MYBPC3: variants seen among roughly 807,000 people sequenced by gnomAD.
MYBPC3 encodes myosin-binding protein C, cardiac-type.
Under a neutral mutation model 159.3 loss-of-function variants are expected in MYBPC3, and 108 were observed. The ratio of observed to expected loss-of-function variants is 0.68; its 90% CI spans 0.58 to 0.80. MYBPC3 has a LOEUF of 0.80. MYBPC3 is among the 30% of genes least tolerant of loss of function. MYBPC3 has a pLI of 0.00. For synonymous variants in MYBPC3, 730 were observed against 702.0 expected (o/e 1.04, Z -0.63); for missense variants, 1,631 against 1,762.1 (o/e 0.93, Z 1.33).
intron 20 of MYBPC3, 118 bp downstream of exon 20, chr11:47,340,885 G>T: frequency 8.4e-7 from 1 of 1,186,134 alleles, no homozygotes; most frequent in Non-Finnish European, 1.1e-6. Context: ...AGCTGAAGCT[G>T]GGCCCCAGGA....
Position 47,352,624 on chromosome 11 carries a change from TGGCTTCTTCCCC to T in MYBPC3, c.12_23del (p.Gly5_Pro8del), listed in dbSNP as rs1350765301. 6.3e-7 allele frequency: 1 copy of T among 1,598,788 alleles called. No homozygotes were observed. Among genetic ancestry groups the T allele is most frequent in the South Asian group, 1.1e-5 (1 of 89,452 alleles). On this transcript the variant is annotated inframe_deletion and splice_region_variant, in exon 1 of 35. Transcript: ENST00000545968. ...ACCCAACCCCAGTCCTAAAGCTACC[TGGCTTCTTCCCC>T]GGCTCAGGCATCCTGAGAGACGTCA...
In MYBPC3 at chr11:47,333,966, G is replaced by T; in HGVS notation, c.2950C>A (p.Gln984Lys). The T allele has an allele frequency of 1.9e-6, 3 of 1,585,498 alleles. No individual in the cohort carries two copies. The highest frequency in any genetic ancestry group is 2.6e-6 in the Non-Finnish European group (3 of 1,166,210). Residue 984 changes from glutamine (Q) to lysine (K), a missense_variant, in exon 28 of 35, where the codon CAG becomes AAG. Coordinates refer to ENST00000545968, the MANE Select transcript of MYBPC3 (RefSeq NM_000256.3). ...QLPRHLRQTI[Q>K]KKVGEPVNLL... ...TTCACAGGCTCCCCGACCTTCTTCT[G>T]AATGGTCTGGCGCAGGTGCCTGGGC...
intron 29 of MYBPC3, 86 bp downstream of exon 29, chr11:47,333,471 T>C: frequency 6.4e-7 from 1 of 1,554,648 alleles, no homozygotes; most frequent in South Asian, 1.1e-5. Flanking sequence ...GAGCTGTGGG[T>C]TGGGTCCCCT....
At position 47,346,424 on chromosome 11, in the gene MYBPC3, GGGGCTTCCTGGGC is replaced by G; in HGVS notation, c.927-67_927-55del. On this transcript the variant is annotated intron_variant, in intron 11 of 34. Coordinates refer to ENST00000545968, the MANE Select transcript of MYBPC3 (RefSeq NM_000256.3). This position sits in a 1 kb window ranked among gnomAD's most constrained non-coding sequence, Gnocchi z 5.3. ...GGGGCAAGACTGCAGCCCCCTGGGC[GGGGCTTCCTGGGC>G]CCAGGACCAAGGAGCTGTAGCCACC... The G allele has an allele frequency of 6.7e-7, 1 of 1,493,386 alleles. No individual in the cohort carries two copies. Among genetic ancestry groups the G allele is most frequent in the Non-Finnish European group, 9.0e-7 (1 of 1,115,792 alleles). 92.5% of individuals were successfully genotyped at this position (1,493,386 alleles called of 1,614,324 possible).
chr11:47,343,996 C>A (rs939068014), intron 12 of MYBPC3, among the ~76,000 whole-genome samples: 2 of 152,112 alleles, frequency 1.3e-5, no homozygotes, highest in Admixed American at 6.6e-5. Context: ...ACCATGTTGG[C>A]CGGGCTGGTC....
At position 47,338,658 on chromosome 11, in the gene MYBPC3, G is replaced by C; in HGVS notation, c.2170C>G (p.Arg724Gly). ...DKKLLCETEG[R>G]VRVETTKDRS... ...TCCTTGGTGGTCTCCACGCGGACCC[G>C]GCCCTCGGTCTCACACAGCAGCTGG... is the stretch of plus-strand genomic sequence containing the variant. The change falls in exon 23 of 35, where the codon CGG (arginine) becomes GGG (glycine). Residue 724 changes from arginine to glycine, a missense_variant. Transcript: ENST00000545968. The surrounding 1 kb of genome is among the most constrained non-coding windows in gnomAD (Gnocchi z 4.7). 3 of 1,613,034 alleles carry C rather than the reference G, an allele frequency of 1.9e-6. No homozygotes were observed. The highest frequency in any genetic ancestry group is 2.5e-6 in the Non-Finnish European group (3 of 1,179,520).
chr11:47,338,769 T>C lies in MYBPC3; in HGVS notation c.2149-90A>G, dbSNP rs1415100195. The C allele has an allele frequency of 2.1e-6, 3 of 1,415,544 alleles. No homozygotes were observed. Among genetic ancestry groups the C allele is most frequent in the Non-Finnish European group, 2.8e-6 (3 of 1,060,842 alleles). 87.7% of individuals were successfully genotyped at this position (1,415,544 alleles called of 1,614,324 possible). ...AACAGCCAGATGTCCCGGGGGTCCA[T>C]GGGGGGAACACAGCCTGTGGGAAGA... On this transcript the variant is annotated intron_variant, in intron 22 of 34. Transcript: ENST00000545968. This position sits in a 1 kb window ranked among gnomAD's most constrained non-coding sequence, Gnocchi z 4.7.
chr11:47,347,556 G>A, intron 8 of MYBPC3, 77 bp from the exon 9 acceptor site: 8 of 1,560,492 alleles, frequency 5.1e-6, no homozygotes, highest in South Asian at 1.2e-5. Context: ...GTGGAGTGGG[G>A]AGGGAGAAAG....
In MYBPC3 at chr11:47,351,190, C is replaced by A. The variant is rs138484124; in HGVS notation, c.292+49G>T. The A allele has an allele frequency of 1.1e-3, 1,506 of 1,364,222 alleles. 5 individuals are homozygous for A. Among genetic ancestry groups the A allele is most frequent in the Middle Eastern group, 1.7e-3 (7 of 4,150 alleles). 84.5% of individuals were successfully genotyped at this position (1,364,222 alleles called of 1,614,324 possible). A position where few individuals can be genotyped will look rare whatever the true frequency, so the allele number is the denominator to read the frequency against. On this transcript the variant is annotated intron_variant, in intron 2 of 34. Transcript: ENST00000545968. This position sits in a 1 kb window ranked among gnomAD's most constrained non-coding sequence, Gnocchi z 4.2. ...GGATGGATGGAGAGTCGCTGGGCTG[C>A]CCCTCCCCCAGCAGCCCAAACCTCA...
chr11:47,346,754 TC>T lies in MYBPC3; in HGVS notation c.909-111del. On this transcript the variant is annotated intron_variant, in intron 10 of 34. Coordinates refer to ENST00000545968, the MANE Select transcript of MYBPC3 (RefSeq NM_000256.3). The surrounding 1 kb of genome is among the most constrained non-coding windows in gnomAD (Gnocchi z 5.3). ...ATGGGCCTTTACTTCCTCCCTATTT[TC>T]CGCACTTGCACTCCCTGTGTTGTGG... 2.5e-6 allele frequency: 3 copies of T among 1,217,014 alleles called. No homozygotes were observed. Among genetic ancestry groups the T allele is most frequent in the Non-Finnish European group, 3.4e-6 (3 of 875,608 alleles). The allele number at this position is 1,217,014 out of a possible 1,614,324, so 75.4% of individuals were successfully genotyped here. A position where few individuals can be genotyped will look rare whatever the true frequency, so the allele number is the denominator to read the frequency against.
Position 47,337,744 on chromosome 11 carries a change from A to C in MYBPC3, c.2359T>G (p.Ser787Ala). ...APKISNVGED[S>A]CTVQWEPPAY... Reference sequence around the variant, plus strand: ...GGCGGCTCCCACTGTACTGTGCAGGAGTCCTCTCCCACGTTGCTGATCTTG... The same window carrying C: ...GGCGGCTCCCACTGTACTGTGCAGGCGTCCTCTCCCACGTTGCTGATCTTG... The change falls in exon 24 of 35, where the codon TCC (serine) becomes GCC (alanine). Residue 787 changes from serine to alanine, a missense_variant. Ser to Ala is a moderately conservative substitution (Grantham distance 99). Transcript: ENST00000545968. 6.4e-7 allele frequency: 1 copy of C among 1,559,248 alleles called. No individual in the cohort carries two copies.
In MYBPC3 at chr11:47,332,887, G is replaced by T. The variant is rs1460458866; in HGVS notation, c.3417C>A (p.Val1139=). 1 of 1,608,000 alleles carries T rather than the reference G, an allele frequency of 6.2e-7. No individual in the cohort carries two copies. The highest frequency in any genetic ancestry group is 8.5e-7 in the Non-Finnish European group (1 of 1,177,492). Residue 1139 remains valine, a synonymous_variant, in exon 31 of 35, where the codon GTC becomes GTA. Coordinates refer to ENST00000545968, the MANE Select transcript of MYBPC3 (RefSeq NM_000256.3). The surrounding 1 kb of genome is among the most constrained non-coding windows in gnomAD (Gnocchi z 4.2). ...LIIGNGYYFR[V]FSQNMVGFSD... ...TAAAGCCAACCATATTCTGGCTGAA[G>T]ACGCGGAAGTAGTAGCCATTGCCAA...
intron 25 of MYBPC3, 56 bp from the exon 26 acceptor site, chr11:47,336,067 C>T (rs924547032): frequency 7.2e-6 from 10 of 1,379,476 alleles, no homozygotes; most frequent in African/African-American, 1.5e-5. Flanking sequence ...AGCTGGAGAT[C>T]CATGCCCTAG....
chr11:47,346,192 T>C lies in MYBPC3; in HGVS notation c.1090+15A>G. The C allele has an allele frequency of 6.2e-7, 1 of 1,613,534 alleles. No individual in the cohort carries two copies. Among genetic ancestry groups the C allele is most frequent in the Non-Finnish European group, 8.5e-7 (1 of 1,179,758 alleles). On this transcript the variant is annotated intron_variant, in intron 12 of 34. Coordinates refer to ENST00000545968, the MANE Select transcript of MYBPC3 (RefSeq NM_000256.3). The surrounding 1 kb of genome is among the most constrained non-coding windows in gnomAD (Gnocchi z 5.3). ...AGCCTGTGCCCTCTCCTCTCCCCTC[T>C]GAGGAAGGGCTAACCTGTGCTCTTC...
rs1393344218 is a variant in MYBPC3, at chr11:47,334,040, G to A, written c.2906-30C>T. On this transcript the variant is annotated intron_variant, in intron 27 of 34. Transcript: ENST00000545968. ...GGGTATAGAGTGGGTAGCTAAGTGA[G>A]GGCCCGCCACAGCTCTGAGGGGCTC... 4 of 1,549,156 alleles carry A rather than the reference G, an allele frequency of 2.6e-6. No homozygotes were observed. The South Asian group carries it at 3.6e-5, about 14-fold the overall frequency.
chr11:47,351,384 G>A lies in MYBPC3; in HGVS notation c.147C>T (p.Ile49=), dbSNP rs774273586. 28 of 1,609,240 alleles carry A rather than the reference G, an allele frequency of 1.7e-5. No homozygotes were observed. Among genetic ancestry groups the A allele is most frequent in the Non-Finnish European group, 2.3e-5 (27 of 1,178,292 alleles). The part of the protein sequence containing the change: ...KVRWQRGGSD[I]SASNKYGLAT... ...CCAGGCCGTACTTGTTGCTGGCGCTGATGTCACTGCCTCCGCGCTGCCAGC... is the reference window on the plus strand; with the variant it reads ...CCAGGCCGTACTTGTTGCTGGCGCTAATGTCACTGCCTCCGCGCTGCCAGC... Residue 49 remains isoleucine, a synonymous_variant, in exon 2 of 35, where the codon ATC becomes ATT. Transcript: ENST00000545968. The surrounding 1 kb of genome is among the most constrained non-coding windows in gnomAD (Gnocchi z 4.2).
chr11:47,348,927 T>TATATATATATATA (rs1555123220), intron 5 of MYBPC3, among the ~76,000 whole-genome samples: 31 of 126,236 alleles, frequency 2.5e-4, no homozygotes, highest in East Asian at 4.8e-4. Context: ...TATATATATA[T>TATATATATATATA]TTAAAGGAGG....
intron 12 of MYBPC3, 89 bp from the exon 13 acceptor site, chr11:47,343,713 T>A (rs1035371297): frequency 7.4e-7 from 1 of 1,350,684 alleles, no homozygotes; most frequent in East Asian, 2.5e-5. Flanking sequence ...GGGGCCCAGG[T>A]CCCCCCCTCC....
At chr11:47,335,008 G>A (rs2095880821) in intron 27 of MYBPC3, 34 bp downstream of exon 27, 1 of 1,449,334 alleles carries the variant, frequency 6.9e-7, no homozygotes, top group African/African-American at 1.4e-5. Context: ...GGGTGTCAAT[G>A]GCGGGTCTTG....
Sources: allele counts gnomAD v4.1 joint callset (sites outside exome capture counted in the v4.1 genomes callset), GRCh38; gene constraint gnomAD v4.1.1; non-coding constraint Gnocchi (gnomAD v3.1); transcripts MANE v1.5; gene names NCBI Gene and HGNC (gene_info 2026-07-23, HGNC 2026-07-21).